IGSF9B: variants seen among roughly 807,000 people sequenced by gnomAD.
The protein encoded by IGSF9B is protein turtle homolog B.
Under a neutral mutation model 143.7 loss-of-function variants are expected in IGSF9B, and 48 were observed. The observed-to-expected ratio is 0.33, with a 90% CI of 0.26 to 0.42. The LOEUF is 0.42. Ranked by LOEUF, IGSF9B falls within the 20% of genes least tolerant of loss-of-function variation. The pLI, the probability that IGSF9B is intolerant of heterozygous loss-of-function variation, is 1.00. For synonymous variants in IGSF9B, 903 were observed against 833.1 expected, an observed-to-expected ratio of 1.08 and a Z score of -1.44; for missense variants, 1,706 against 1,980.0, an observed-to-expected ratio of 0.86 and a Z score of 2.63.
At chr11:133,921,477 CCACCCAG>C in intron 17 of IGSF9B, 80 bp from the exon 18 acceptor site, 2 of 1,092,772 alleles carry the variant, frequency 1.8e-6, no homozygotes, top group Non-Finnish European at 2.5e-6. Context: ...CTCTCGGCAA[CCACCCAG>C]CACCCAGGAT....
At chr11:133,910,180 C>G (rs1170828952) in intron 19 of IGSF9B, among the ~76,000 whole-genome samples, 4 of 152,090 alleles carry the variant, frequency 2.6e-5, no homozygotes, top group African/African-American at 9.7e-5. Flanking sequence ...AGGTTTTAAT[C>G]AGAAGTGTGT....
rs1315109846 is a variant in IGSF9B, at chr11:133,948,546, C to T, written c.65-2288G>A. Among the ~76,000 whole-genome samples, 1 of 151,598 alleles carries T rather than the reference C, an allele frequency of 6.6e-6. No homozygotes were observed. Among genetic ancestry groups the T allele is most frequent in the African/African-American group, 2.4e-5 (1 of 41,218 alleles). On this transcript the variant is annotated intron_variant, in intron 1 of 19. Coordinates refer to ENST00000533871, the MANE Select transcript of IGSF9B (RefSeq NM_001277285.4). The surrounding 1 kb of genome is among the most constrained non-coding windows in gnomAD (Gnocchi z 4.7). ...GCAGGAGAGGCTGCCTCCCAGCAGC[C>T]AGGATCACAAAGGCGGATGCTGGAC...
At chr11:133,949,570 A>G (rs531980225) in intron 1 of IGSF9B, among the ~76,000 whole-genome samples, 37 of 152,288 alleles carry the variant, frequency 2.4e-4, no homozygotes, top group African/African-American at 8.2e-4. Flanking sequence ...AGTGGAGAGC[A>G]AAGAGGAGAG....
rs1256454916 is a variant in IGSF9B, at chr11:133,901,982, A to C, written c.*7087T>G. 1.6e-5 allele frequency among the ~76,000 whole-genome samples: 2 copies of C among 124,262 alleles called. No homozygotes were observed. The highest frequency in any genetic ancestry group is 7.5e-5 in the Admixed American group (1 of 13,290). 81.5% of individuals were successfully genotyped at this position (124,262 alleles called of 152,430 possible). On this transcript the variant is annotated 3_prime_UTR_variant, in exon 20 of 20. Coordinates refer to ENST00000533871, the MANE Select transcript of IGSF9B (RefSeq NM_001277285.4). ...TGCACACCGCATCACACACATGCAC[A>C]CCAGACACATCACACACACACACAC...
At chr11:133,911,039 G>C (rs950437200) in intron 19 of IGSF9B, among the ~76,000 whole-genome samples, 2 of 152,118 alleles carry the variant, frequency 1.3e-5, no homozygotes, top group African/African-American at 4.8e-5. Context: ...ATGGGGCTTT[G>C]AATTTCTATA....
At chr11:133,944,821 A>T (rs1250121572) in intron 2 of IGSF9B, among the ~76,000 whole-genome samples, 1 of 152,236 alleles carries the variant, frequency 6.6e-6, no homozygotes, top group Non-Finnish European at 1.5e-5. Context: ...CTATCCCAGC[A>T]GCATTTCCAG....
intron 17 of IGSF9B, 72 bp downstream of exon 17, chr11:133,922,105 G>A (rs1939549644): frequency 2.3e-6 from 3 of 1,285,566 alleles, no homozygotes; most frequent in African/African-American, 2.9e-5. Context: ...ATGGGGCTGG[G>A]TAAGGCGAGC....
chr11:133,919,057 T>C (rs1417202670), intron 18 of IGSF9B: 2 of 491,740 alleles, frequency 4.1e-6, no homozygotes, highest in Non-Finnish European at 8.2e-6. Context: ...TAGAGAGTGC[T>C]CTCTCAGGCG....
rs571766103 is a variant in IGSF9B at position 133,929,402 on chromosome 11, C to T, written c.1631+269G>A. 9.2e-5 allele frequency among the ~76,000 whole-genome samples: 14 copies of T among 152,332 alleles called. No homozygotes were observed. In the South Asian group the frequency reaches 2.5e-3, roughly 27 times the overall value. ...CCAGAGGATGAAGCAGGACGCAAAA[C>T]GAGGCAGCACGTGAGCAGGGAGAGG... On this transcript the variant is annotated intron_variant, in intron 12 of 19. Coordinates refer to ENST00000533871, the MANE Select transcript of IGSF9B (RefSeq NM_001277285.4).
At position 133,919,629 on chromosome 11, in the gene IGSF9B, CATGTCCGCACG is replaced by C. The variant is rs1939470429; in HGVS notation, c.3983+102_3983+112del. On this transcript the variant is annotated intron_variant, in intron 18 of 19. Transcript: ENST00000533871. ...TCCTCTCCGAGGGACGCCGGTGCGG[CATGTCCGCACG>C]AGCCCTGTCGCCGGGCGGATGGACG... 4.4e-6 allele frequency: 3 copies of C among 687,212 alleles called. No homozygotes were observed. The African/African-American group carries it at 5.6e-5, about 13-fold the overall frequency. The allele number at this position is 687,212 out of a possible 1,614,324, so 42.6% of individuals were successfully genotyped here. A position where few individuals can be genotyped will look rare whatever the true frequency, so the allele number is the denominator to read the frequency against.
intron 14 of IGSF9B, 83 bp downstream of exon 14, chr11:133,925,656 G>T (rs532998024): frequency 4.3e-6 from 5 of 1,173,062 alleles, no homozygotes; most frequent in Non-Finnish European, 6.2e-6. Context: ...CCCAAAGTTG[G>T]TCACTCAAAG....
At chr11:133,919,372 C>G (rs1000790953) in intron 18 of IGSF9B, among the ~76,000 whole-genome samples, 3 of 152,168 alleles carry the variant, frequency 2.0e-5, no homozygotes, top group Non-Finnish European at 4.4e-5. Flanking sequence ...CCCCAGGACC[C>G]CTGCCCGATG....
At position 133,909,772 on chromosome 11, in the gene IGSF9B, C is replaced by G. The variant is rs984177183; in HGVS notation, c.4106-495G>C. ...CCTCATGGCCCTTCTGGAGATTAATCAGGAATGCCTTTGCTAGCTTCAAAG... is the reference window on the plus strand; with the variant it reads ...CCTCATGGCCCTTCTGGAGATTAATGAGGAATGCCTTTGCTAGCTTCAAAG... On this transcript the variant is annotated intron_variant, in intron 19 of 19. Coordinates refer to ENST00000533871, the MANE Select transcript of IGSF9B (RefSeq NM_001277285.4). This position sits in a 1 kb window ranked among gnomAD's most constrained non-coding sequence, Gnocchi z 4.2. 6.6e-6 allele frequency among the ~76,000 whole-genome samples: 1 copy of G among 152,248 alleles called. No individual in the cohort carries two copies. The highest frequency in any genetic ancestry group is 1.5e-5 in the Non-Finnish European group (1 of 68,044).
intron 5 of IGSF9B, among the ~76,000 whole-genome samples, chr11:133,936,968 T>C (rs1230747129): frequency 5.9e-5 from 9 of 152,222 alleles, no homozygotes; most frequent in African/African-American, 2.2e-4. Context: ...ATGCCCACTG[T>C]GTTATTTAAA....
chr11:133,931,251 C>A lies in IGSF9B; in HGVS notation c.1369-117G>T. The A allele has an allele frequency of 9.0e-7, 1 of 1,110,530 alleles. No homozygotes were observed. The allele number at this position is 1,110,530 out of a possible 1,614,324, so 68.8% of individuals were successfully genotyped here. On this transcript the variant is annotated intron_variant, in intron 10 of 19. Coordinates refer to ENST00000533871, the MANE Select transcript of IGSF9B (RefSeq NM_001277285.4). This position sits in a 1 kb window ranked among gnomAD's most constrained non-coding sequence, Gnocchi z 7.7. ...CCGGCCCGCCCACGCTGCCCTCCTC[C>A]CGAGTGCCTGCCGCTCTTCAGGGTC... is the stretch of plus-strand genomic sequence containing the variant.
rs1000368236 is a variant in IGSF9B at position 133,898,877 on chromosome 11, G to T, written c.*10192C>A. On this transcript the variant is annotated 3_prime_UTR_variant, in exon 20 of 20. Transcript: ENST00000533871. ...CCTCTTCCCCCACCTCCTACTTTCA[G>T]ACCGCCCAAAGTGGATCACCATGAA... 6.6e-6 allele frequency: 1 copy of T among 152,210 alleles called. No homozygotes were observed. Among genetic ancestry groups the T allele is most frequent in the Non-Finnish European group, 1.5e-5 (1 of 68,092 alleles). The allele number at this position is 152,210 out of a possible 1,614,324, so 9.4% of individuals were successfully genotyped here.
In IGSF9B at chr11:133,922,555, G is replaced by T; in HGVS notation, c.2281+14C>A. ...CCGGGCCAGGGAGAGCAAGGGAAGG[G>T]GACAGACACCCACCTTTTTTGCGCT... On this transcript the variant is annotated intron_variant, in intron 16 of 19. Coordinates refer to ENST00000533871, the MANE Select transcript of IGSF9B (RefSeq NM_001277285.4). 6.2e-7 allele frequency: 1 copy of T among 1,605,530 alleles called. No homozygotes were observed. Among genetic ancestry groups the T allele is most frequent in the Non-Finnish European group, 8.5e-7 (1 of 1,173,550 alleles).
rs774023275 is a variant in IGSF9B at position 133,931,552 on chromosome 11, C to T, written c.1269G>A (p.Thr423=). Residue 423 remains threonine, a synonymous_variant, in exon 10 of 20, where the codon ACG becomes ACA. Transcript: ENST00000533871. This position sits in a 1 kb window ranked among gnomAD's most constrained non-coding sequence, Gnocchi z 7.7. ...RLVLKDPPYF[T]VLPGWEYRQE... is the part of the protein sequence containing the mutation. ...GCCTGTACTCCCAGCCTGGTAGCAC[C>T]GTGAAATAGGGGGGGTCCTGGGGAG... 1 of 1,613,302 alleles carries T rather than the reference C, an allele frequency of 6.2e-7. No homozygotes were observed. The highest frequency in any genetic ancestry group is 2.2e-5 in the East Asian group (1 of 44,848).
intron 1 of IGSF9B, among the ~76,000 whole-genome samples, chr11:133,952,664 G>A (rs1274248506): frequency 6.6e-6 from 1 of 152,134 alleles, no homozygotes; most frequent in Non-Finnish European, 1.5e-5. Context: ...ACATACAGGT[G>A]TGCACACATA....
Sources: gnomAD v4.1 joint callset for allele counts (sites outside exome capture counted in the v4.1 genomes callset) on GRCh38, gnomAD v4.1.1 for gene constraint, Gnocchi (gnomAD v3.1) non-coding constraint, MANE v1.5 for transcripts, NCBI Gene and HGNC (gene_info 2026-07-23, HGNC 2026-07-21) for gene names.